The following NSFL1C variants were observed in gnomAD, a reference collection of about 807,000 sequenced individuals.
NSFL1C encodes NSFL1 cofactor.
NSFL1C carries 14 observed loss-of-function variants against 43.1 expected under a neutral mutation model. The observed-to-expected ratio is 0.32, with a 90% CI of 0.21 to 0.51. The LOEUF is 0.51. NSFL1C is among the 20% of genes least tolerant of loss of function. The pLI, the probability that NSFL1C is intolerant of heterozygous loss-of-function variation, is 0.98. For synonymous variants in NSFL1C, 171 were observed against 183.5 expected, an observed-to-expected ratio of 0.93 and a Z score of 0.55; for missense variants, 406 against 472.5, an observed-to-expected ratio of 0.86 and a Z score of 1.30.
In NSFL1C at chr20:1,466,716, C is replaced by G. The variant is rs1263991986; in HGVS notation, c.105+4G>C. ...ACCCGACACAGCCCGCCGCGCGGCG[C>G]TACCTGCAAGTCCCAGCCGGCCGAC... On this transcript the variant is annotated splice_donor_region_variant and intron_variant, in intron 1 of 8. Transcript: ENST00000216879. The G allele has an allele frequency of 6.5e-7, 1 of 1,545,868 alleles. No individual in the cohort carries two copies. The highest frequency in any genetic ancestry group is 8.7e-7 in the Non-Finnish European group (1 of 1,149,818).
chr20:1,453,825 A>G (rs1216317953), intron 5 of NSFL1C, among the ~76,000 whole-genome samples: 1 of 152,108 alleles, frequency 6.6e-6, no homozygotes, highest in Non-Finnish European at 1.5e-5. Flanking sequence ...AGTAGTGGAC[A>G]ATGAGGAAAA....
intron 3 of NSFL1C, chr20:1,455,796 G>A (rs1454210504): frequency 2.6e-6 from 2 of 776,630 alleles, no homozygotes; most frequent in African/African-American, 3.4e-5. Context: ...CACAGGTAAG[G>A]TGGTGTGACA....
At chr20:1,449,314 A>G (rs553630892) in intron 7 of NSFL1C, among the ~76,000 whole-genome samples, 51 of 152,344 alleles carry the variant, frequency 3.3e-4, no homozygotes, top group Non-Finnish European at 5.4e-4. Context: ...TCGACTAGAA[A>G]TGCTATCAGC....
chr20:1,464,515 C>A, intron 1 of NSFL1C, 89 bp from the exon 2 acceptor site: 1 of 1,038,052 alleles, frequency 9.6e-7, no homozygotes, highest in South Asian at 1.4e-5. Context: ...ACAGACATGG[C>A]CAACACTTAC....
At chr20:1,464,237 C>T (rs1235104221) in intron 2 of NSFL1C, 92 bp downstream of exon 2, 1 of 1,065,212 alleles carries the variant, frequency 9.4e-7, no homozygotes, top group Non-Finnish European at 1.4e-6. Flanking sequence ...CAGACCTGGT[C>T]CACACACCCA....
rs181051670 is a variant in NSFL1C, at chr20:1,455,684, C to T, written c.279-552G>A. On this transcript the variant is annotated intron_variant, in intron 3 of 8. Transcript: ENST00000216879. ...TGACTCACTTTCCTTGTCTTTGAAACGGGAGGGAAGGACCACATGCCCTAC... is the reference window on the plus strand; with the variant it reads ...TGACTCACTTTCCTTGTCTTTGAAATGGGAGGGAAGGACCACATGCCCTAC... 6,839 of 779,678 alleles carry T rather than the reference C, an allele frequency of 8.8e-3. 368 individuals carry two copies. The highest frequency in any genetic ancestry group is 0.085 in the South Asian group (6,335 of 74,614). The allele number at this position is 779,678 out of a possible 1,614,324, so 48.3% of individuals were successfully genotyped here.
intron 4 of NSFL1C, 141 bp downstream of exon 4, chr20:1,454,826 A>C: frequency 1.1e-6 from 1 of 883,790 alleles, no homozygotes; most frequent in South Asian, 1.7e-5. Flanking sequence ...GGTGAGATAA[A>C]CTACACTCGT....
chr20:1,446,528 G>C (rs144052793), intron 7 of NSFL1C, among the ~76,000 whole-genome samples: 1 of 152,206 alleles, frequency 6.6e-6, no homozygotes, highest in African/African-American at 2.4e-5. Context: ...GAATCACATG[G>C]ACCAGGGTTT....
At chr20:1,452,387 T>G in intron 7 of NSFL1C, 106 bp downstream of exon 7, 1 of 1,416,944 alleles carries the variant, frequency 7.1e-7, no homozygotes, top group East Asian at 2.3e-5. Context: ...TTGAAGTATT[T>G]TGTAAACAGT....
intron 2 of NSFL1C, among the ~76,000 whole-genome samples, chr20:1,462,005 A>G (rs2090421280): frequency 6.6e-6 from 1 of 152,222 alleles, no homozygotes. Context: ...ATACCTGCTA[A>G]CATGTACACA....
At chr20:1,450,085 C>T (rs1469572445) in intron 7 of NSFL1C, among the ~76,000 whole-genome samples, 1 of 152,176 alleles carries the variant, frequency 6.6e-6, no homozygotes, top group East Asian at 1.9e-4. Flanking sequence ...ACTGAGACAA[C>T]TTATTCATTC....
chr20:1,457,791 GTA>G (rs894450178), intron 3 of NSFL1C, among the ~76,000 whole-genome samples: 1 of 152,194 alleles, frequency 6.6e-6, no homozygotes, highest in African/African-American at 2.4e-5. Context: ...TTCCTACTGT[GTA>G]TATACACCAC....
chr20:1,460,849 G>A (rs1366429792), intron 2 of NSFL1C, among the ~76,000 whole-genome samples: 1 of 152,206 alleles, frequency 6.6e-6, no homozygotes, highest in Non-Finnish European at 1.5e-5. Flanking sequence ...GTTCCCGGAA[G>A]TTTAAAGTAC....
intron 2 of NSFL1C, among the ~76,000 whole-genome samples, chr20:1,463,093 T>C (rs570178578): frequency 1.3e-5 from 2 of 152,272 alleles, no homozygotes; most frequent in East Asian, 1.9e-4. Context: ...GAGCTGGGAT[T>C]TGAACCAACG....
chr20:1,446,734 A>G (rs2090067777), intron 7 of NSFL1C, among the ~76,000 whole-genome samples: 1 of 152,026 alleles, frequency 6.6e-6, no homozygotes. Flanking sequence ...TCTCCTCCAA[A>G]CCACCTGTCC....
At chr20:1,460,608 C>T (rs1195322870) in intron 2 of NSFL1C, among the ~76,000 whole-genome samples, 1 of 152,204 alleles carries the variant, frequency 6.6e-6, no homozygotes, top group Non-Finnish European at 1.5e-5. Context: ...ACTCCTTCAT[C>T]AGATGACATT....
intron 7 of NSFL1C, 57 bp downstream of exon 7, chr20:1,452,436 G>T: frequency 6.3e-7 from 1 of 1,593,634 alleles, no homozygotes; most frequent in Non-Finnish European, 8.6e-7. Flanking sequence ...CACAGGGTCT[G>T]CTGGGCTTGG....
chr20:1,457,883 G>A, intron 3 of NSFL1C: 1 of 269,836 alleles, frequency 3.7e-6, no homozygotes, highest in Admixed American at 4.9e-5. Flanking sequence ...ACCGCAATGA[G>A]CACGGGAACG....
At chr20:1,458,085 A>G (rs1599958961) in intron 3 of NSFL1C, 115 bp downstream of exon 3, 1 of 844,518 alleles carries the variant, frequency 1.2e-6, no homozygotes, top group East Asian at 2.4e-5. Flanking sequence ...ACCAGCCCAC[A>G]GTAGTAATGG....
Sources: allele counts gnomAD v4.1 joint callset (sites outside exome capture counted in the v4.1 genomes callset), GRCh38; gene constraint gnomAD v4.1.1; transcripts MANE v1.5; gene names NCBI Gene and HGNC (gene_info 2026-07-23, HGNC 2026-07-21).